Variants in AHSA1 observed in about 807,000 individuals in gnomAD.
AHSA1 encodes activator of HSP90 ATPase activity 1.
In AHSA1, 14 loss-of-function variants were observed where a neutral mutation model predicts 46.1. That is an observed-to-expected ratio of 0.30 (90% confidence interval 0.20 to 0.47). AHSA1 has a LOEUF of 0.47. AHSA1 is among the 20% of genes least tolerant of loss of function. The probability of loss-of-function intolerance (pLI) is 0.99; values close to 1 mark genes in which losing one functional copy is unlikely to be tolerated. For synonymous variants in AHSA1, 147 were observed against 145.8 expected, an observed-to-expected ratio of 1.01 and a Z score of -0.06; for missense variants, 333 against 415.9, an observed-to-expected ratio of 0.80 and a Z score of 1.73.
rs1328314010 is a variant in AHSA1 at position 77,468,114 on chromosome 14, C to T, written c.722C>T (p.Thr241Ile). The T allele has an allele frequency of 1.4e-6, 2 of 1,425,316 alleles. No homozygotes were observed. The highest frequency in any genetic ancestry group is 1.5e-5 in the African/African-American group (1 of 65,700). 88.3% of individuals were successfully genotyped at this position (1,425,316 alleles called of 1,614,324 possible). ...LVQAFTHAPA[T>I]LEADRGGKFH... ...CAGGCCTTTACCCATGCTCCTGCAA[C>T]ATTAGAAGCAGACAGAGGTGGAAAG... The change falls in exon 7 of 9, where the codon ACA becomes ATA. Residue 241 changes from threonine to isoleucine, a missense_variant. Transcript: ENST00000216479.
rs370149880 is a variant in AHSA1, at chr14:77,468,524, T to C, written c.844+16T>C. On this transcript the variant is annotated intron_variant, in intron 8 of 8. Coordinates refer to ENST00000216479, the MANE Select transcript of AHSA1 (RefSeq NM_012111.3). ...TGGCCAGAGGGTAAGTAAACATATT[T>C]ATTGCCATTACCCCCAGAACTTTTT... The C allele has an allele frequency of 7.2e-5, 116 of 1,607,428 alleles. No homozygotes were observed. Among genetic ancestry groups the C allele is most frequent in the Non-Finnish European group, 9.4e-5 (110 of 1,175,310 alleles).
Position 77,462,649 on chromosome 14 carries a change from T to A in AHSA1, c.362T>A (p.Val121Glu). Reference protein sequence around the residue: ...ENSVDEVEISVSLAKDEPDTN... With the variant: ...ENSVDEVEISESLAKDEPDTN... ...TTCTCATCTTTCACCCAGATTAGTG[T>A]GAGCCTTGCCAAAGATGAGCCTGAC... Residue 121 changes from valine to glutamate, a missense_variant, in exon 4 of 9, where the codon GTG becomes GAG. Physicochemically the swap from Val to Glu is moderately radical, Grantham distance 121. Transcript: ENST00000216479. The A allele has an allele frequency of 6.2e-7, 1 of 1,613,756 alleles. No individual in the cohort carries two copies. The highest frequency in any genetic ancestry group is 8.5e-7 in the Non-Finnish European group (1 of 1,179,640).
Position 77,468,440 on chromosome 14 carries a change from C to T in AHSA1, c.793-17C>T. The stretch of plus-strand genomic sequence containing the variant: ...ATTGTAGTATATAATATAGACTGAG[C>T]TGTTTGATTATTTTAGGTCCCTGAG... On this transcript the variant is annotated splice_polypyrimidine_tract_variant and intron_variant, in intron 7 of 8. Transcript: ENST00000216479. The T allele has an allele frequency of 6.2e-7, 1 of 1,608,966 alleles. No individual in the cohort carries two copies.
chr14:77,458,236 G>C lies in AHSA1; in HGVS notation c.47G>C (p.Arg16Pro). 1 of 1,547,406 alleles carries C rather than the reference G, an allele frequency of 6.5e-7. No individual in the cohort carries two copies. The highest frequency in any genetic ancestry group is 8.7e-7 in the Non-Finnish European group (1 of 1,145,684). The change falls in exon 1 of 9, where the codon CGG (arginine) becomes CCG (proline). Residue 16 changes from arginine to proline, a missense_variant. Coordinates refer to ENST00000216479, the MANE Select transcript of AHSA1 (RefSeq NM_012111.3). ...EGDPRWIVEE[R>P]ADATNVNNWH... is the part of the protein sequence containing the mutation. ...GACCCACGCTGGATCGTGGAGGAGC[G>C]GGCGGACGCCACCAACGTCAACAAC...
chr14:77,458,763 A>G (rs2079002652), intron 1 of AHSA1, among the ~76,000 whole-genome samples: 1 of 152,230 alleles, frequency 6.6e-6, no homozygotes, highest in African/African-American at 2.4e-5. Context: ...CAGAGCTCAG[A>G]TAGCTGCGGC....
rs2079057499 is a variant in AHSA1 at position 77,468,387 on chromosome 14, A to G, written c.793-70A>G. ...ATGGTAGACTCCGTATGAAGGGCAG[A>G]TGACTGATCCTAGCTAGGATTGGGT... On this transcript the variant is annotated intron_variant, in intron 7 of 8. Coordinates refer to ENST00000216479, the MANE Select transcript of AHSA1 (RefSeq NM_012111.3). 2.1e-6 allele frequency: 3 copies of G among 1,446,064 alleles called. No individual in the cohort carries two copies. The Admixed American group carries it at 5.3e-5, about 26-fold the overall frequency. The allele number at this position is 1,446,064 out of a possible 1,614,324, so 89.6% of individuals were successfully genotyped here. A position where few individuals can be genotyped will look rare whatever the true frequency, so the allele number is the denominator to read the frequency against.
rs1396893895 is a variant in AHSA1, at chr14:77,459,694, A to G, written c.159A>G (p.Glu53=). 1 of 1,614,120 alleles carries G rather than the reference A, an allele frequency of 6.2e-7. No individual in the cohort carries two copies. The highest frequency in any genetic ancestry group is 8.5e-7 in the Non-Finnish European group (1 of 1,180,058). ...TGGCAGTGCAGGTTCAAAATGAAGA[A>G]GGCAAGTGTGAGGTGACGGAAGTGA... is the stretch of plus-strand genomic sequence containing the variant. ...LFLAVQVQNE[E]GKCEVTEVSK... The change falls in exon 2 of 9, where the codon GAA becomes GAG. Residue 53 remains glutamate (E), a synonymous_variant. Transcript: ENST00000216479.
intron 6 of AHSA1, 32 bp from the exon 7 acceptor site, chr14:77,468,050 TC>T (rs138877566): frequency 0.1 from 64,453 of 633,590 alleles, 5,598 homozygotes; most frequent in East Asian, 0.3. Context: ...ATCTTCTGCC[TC>T]TTTTTTTTTT....
At chr14:77,459,480 A>G (rs2079010934) in intron 1 of AHSA1, 136 bp from the exon 2 acceptor site, 1 of 769,138 alleles carries the variant, frequency 1.3e-6, no homozygotes, top group Admixed American at 2.5e-5. Context: ...GTTTGTGGAC[A>G]TACTGGAGTG....
intron 4 of AHSA1, 95 bp downstream of exon 4, chr14:77,462,854 G>A: frequency 1.9e-6 from 2 of 1,041,876 alleles, no homozygotes; most frequent in South Asian, 2.6e-5. Flanking sequence ...TGGCAAATGG[G>A]TAAAGATTTG....
chr14:77,460,831 G>A (rs1218868568), intron 2 of AHSA1, among the ~76,000 whole-genome samples: 1 of 151,798 alleles, frequency 6.6e-6, no homozygotes, highest in Non-Finnish European at 1.5e-5. Context: ...CTAAAAATTG[G>A]TAGCATAGTT....
In AHSA1 at chr14:77,465,541, T is replaced by TAAGCCTGCTCCTTCAAAAACCCAGGCC; in HGVS notation, c.566_592dup (p.Lys189_Ala197dup). 6.2e-7 allele frequency: 1 copy of TAAGCCTGCTCCTTCAAAAACCCAGGCC among 1,613,858 alleles called. No homozygotes were observed. The highest frequency in any genetic ancestry group is 8.5e-7 in the Non-Finnish European group (1 of 1,179,744). ...CATTTTCACTGCCACCTTCACAGGCTAAGCCTGCTCCTTCAAAAACCCAGG... is the reference window on the plus strand; with the variant it reads ...CATTTTCACTGCCACCTTCACAGGCTAAGCCTGCTCCTTCAAAAACCCAGGCCAAGCCTGCTCCTTCAAAAACCCAGG... On this transcript the variant is annotated inframe_insertion, in exon 6 of 9. Coordinates refer to ENST00000216479, the MANE Select transcript of AHSA1 (RefSeq NM_012111.3).
intron 4 of AHSA1, 48 bp downstream of exon 4, chr14:77,462,807 G>T: frequency 1.3e-6 from 2 of 1,513,922 alleles, no homozygotes; most frequent in Non-Finnish European, 1.8e-6. Flanking sequence ...GTTTCCACCT[G>T]TTAGACTCTG....
At chr14:77,467,375 GGCAACAGA>G (rs2079051854) in intron 6 of AHSA1, among the ~76,000 whole-genome samples, 3 of 151,972 alleles carry the variant, frequency 2.0e-5, no homozygotes, top group Admixed American at 2.0e-4. Context: ...CTTCGGCCTG[GGCAACAGA>G]GCGAGACCTA....
chr14:77,460,572 C>CT (rs35050436), intron 2 of AHSA1, among the ~76,000 whole-genome samples: 2 of 144,282 alleles, frequency 1.4e-5, no homozygotes, highest in African/African-American at 5.1e-5. Flanking sequence ...CTCAGACCTC[C>CT]TTTTTTTTTT....
intron 6 of AHSA1, among the ~76,000 whole-genome samples, 159 bp downstream of exon 6, chr14:77,465,826 TC>T (rs2079045832): frequency 6.7e-6 from 1 of 150,026 alleles, no homozygotes; most frequent in African/African-American, 2.5e-5. Context: ...CCCTCTATTC[TC>T]TTTTTTTTTT....
chr14:77,468,440 C>CTGTT lies in AHSA1; in HGVS notation c.793-14_793-11dup. ...ATTGTAGTATATAATATAGACTGAG[C>CTGTT]TGTTTGATTATTTTAGGTCCCTGAG... On this transcript the variant is annotated splice_polypyrimidine_tract_variant and intron_variant, in intron 7 of 8. Transcript: ENST00000216479. The CTGTT allele has an allele frequency of 2.5e-6, 4 of 1,608,966 alleles. No homozygotes were observed. Among genetic ancestry groups the CTGTT allele is most frequent in the Non-Finnish European group, 3.4e-6 (4 of 1,176,116 alleles).
chr14:77,465,650 G>A lies in AHSA1; in HGVS notation c.673G>A (p.Val225Met). 1 of 1,613,650 alleles carries A rather than the reference G, an allele frequency of 6.2e-7. No homozygotes were observed. The highest frequency in any genetic ancestry group is 1.1e-5 in the South Asian group (1 of 91,076). The change falls in exon 6 of 9, where the codon GTG (valine) becomes ATG (methionine). Residue 225 changes from valine to methionine, a missense_variant. By Grantham distance (21) the Val-to-Met change is conservative. Transcript: ENST00000216479. ...FLTSPEELYR[V>M]FTTQELVQAF... ...GACGTCACCAGAGGAGCTCTATAGAGTGTTTACCACCCAAGAGGTAAGTAA... is the reference window on the plus strand; with the variant it reads ...GACGTCACCAGAGGAGCTCTATAGAATGTTTACCACCCAAGAGGTAAGTAA...
chr14:77,458,536 G>A (rs1268630751), intron 1 of AHSA1, among the ~76,000 whole-genome samples: 1 of 152,250 alleles, frequency 6.6e-6, no homozygotes, highest in African/African-American at 2.4e-5. Context: ...CGCCCTGGCT[G>A]CTGCATCCAG....
Sources: allele counts gnomAD v4.1 joint callset (sites outside exome capture counted in the v4.1 genomes callset), GRCh38; gene constraint gnomAD v4.1.1; transcripts MANE v1.5; gene names NCBI Gene and HGNC (gene_info 2026-07-23, HGNC 2026-07-21).